Variants in DENND1A observed in about 807,000 individuals in gnomAD.
The protein encoded by DENND1A is DENN domain-containing protein 1A.
A neutral mutation model predicts 113.7 loss-of-function variants in DENND1A; 51 were observed. The observed-to-expected ratio is 0.45, with a 90% CI of 0.36 to 0.57. The LOEUF (loss-of-function observed/expected upper bound fraction) is 0.57, where lower values mean the gene tolerates loss of function less well. Ranked by LOEUF, DENND1A falls within the 20% of genes least tolerant of loss-of-function variation. The pLI, the probability that DENND1A is intolerant of heterozygous loss-of-function variation, is 0.00. For missense variants in DENND1A, 1,258 were observed against 1,395.9 expected (o/e 0.90, Z 1.57); for synonymous variants, 565 against 570.8 (o/e 0.99, Z 0.14).
At position 123,760,291 on chromosome 9, in the gene DENND1A, C is replaced by T. The variant is rs577993806; in HGVS notation, c.183-2469G>A. On this transcript the variant is annotated intron_variant, in intron 4 of 23. Coordinates refer to ENST00000394215, the MANE Select transcript of DENND1A (RefSeq NM_001352964.2). ...ATAAAGTTTTCAAAGATAGGGTAGA[C>T]TTTCTAAAACTCCCTTATACAGCCA... Among the ~76,000 whole-genome samples, 19 of 152,290 alleles carry T rather than the reference C, an allele frequency of 1.2e-4. 1 individual carries two copies. The East Asian group carries it at 1.7e-3, about 14-fold the overall frequency.
intron 11 of DENND1A, among the ~76,000 whole-genome samples, chr9:123,605,617 G>C (rs1481379288): frequency 6.6e-6 from 1 of 152,212 alleles, no homozygotes; most frequent in Non-Finnish European, 1.5e-5. Flanking sequence ...GGAGAGAGAA[G>C]AATGGCGATC....
At chr9:123,618,123 G>A (rs573023519) in intron 10 of DENND1A, among the ~76,000 whole-genome samples, 1 of 152,134 alleles carries the variant, frequency 6.6e-6, no homozygotes, top group Non-Finnish European at 1.5e-5. Flanking sequence ...CACTATGCTG[G>A]TGCTGCACAT....
At chr9:123,433,662 C>A (rs1307452933) in intron 19 of DENND1A, among the ~76,000 whole-genome samples, 1 of 151,560 alleles carries the variant, frequency 6.6e-6, no homozygotes, top group African/African-American at 2.4e-5. Flanking sequence ...TTTCTTTTTT[C>A]TTTTTTTTAA....
intron 4 of DENND1A, among the ~76,000 whole-genome samples, chr9:123,763,416 A>C (rs2071210346): frequency 6.6e-6 from 1 of 152,210 alleles, no homozygotes; most frequent in South Asian, 2.1e-4. Context: ...AAGATAGGAA[A>C]GACTAACAAG....
At chr9:123,421,894 A>G (rs1311430473) in intron 19 of DENND1A, among the ~76,000 whole-genome samples, 1 of 151,344 alleles carries the variant, frequency 6.6e-6, no homozygotes, top group African/African-American at 2.4e-5. Flanking sequence ...CCCCCGATAA[A>G]CCCCACCACA....
chr9:123,763,107 G>A (rs2071181835), intron 4 of DENND1A, among the ~76,000 whole-genome samples: 1 of 151,588 alleles, frequency 6.6e-6, no homozygotes, highest in Non-Finnish European at 1.5e-5. Context: ...GGTGGGGGGA[G>A]GCAATAGAAT....
rs1326875582 is a variant in DENND1A, at chr9:123,569,851, A to T, written c.868-12156T>A. Among the ~76,000 whole-genome samples, 5 of 152,150 alleles carry T rather than the reference A, an allele frequency of 3.3e-5. No homozygotes were observed. In the East Asian group the frequency reaches 9.7e-4, roughly 29 times the overall value. Reference sequence around the variant, plus strand: ...AGCAAGAGGTGGGATCCAACACTCGACCCTTAGTCTGGGACTCCTGGTAGC... The same window carrying T: ...AGCAAGAGGTGGGATCCAACACTCGTCCCTTAGTCTGGGACTCCTGGTAGC... On this transcript the variant is annotated intron_variant, in intron 12 of 23. Coordinates refer to ENST00000394215, the MANE Select transcript of DENND1A (RefSeq NM_001352964.2).
intron 18 of DENND1A, among the ~76,000 whole-genome samples, chr9:123,444,331 T>C (rs2047144819): frequency 6.6e-6 from 1 of 152,178 alleles, no homozygotes; most frequent in Non-Finnish European, 1.5e-5. Flanking sequence ...TTAAATAATG[T>C]ATATATGTCC....
intron 5 of DENND1A, among the ~76,000 whole-genome samples, chr9:123,725,026 CTT>C (rs2067601316): frequency 6.6e-6 from 1 of 152,206 alleles, no homozygotes; most frequent in African/African-American, 2.4e-5. Context: ...AAAAGCAACT[CTT>C]ACTCATTTTT....
chr9:123,529,681 T>C (rs956195213), intron 13 of DENND1A, among the ~76,000 whole-genome samples: 1 of 152,226 alleles, frequency 6.6e-6, no homozygotes, highest in African/African-American at 2.4e-5. Flanking sequence ...ATATAACTCT[T>C]GACACTTCTC....
At chr9:123,910,715 A>G (rs1267753816) in intron 1 of DENND1A, among the ~76,000 whole-genome samples, 1 of 152,160 alleles carries the variant, frequency 6.6e-6, no homozygotes, top group African/African-American at 2.4e-5. Context: ...TGAGGCAGGC[A>G]GATCATTTGA....
chr9:123,432,332 G>A (rs1036557318), intron 19 of DENND1A, among the ~76,000 whole-genome samples: 2 of 152,350 alleles, frequency 1.3e-5, no homozygotes, highest in African/African-American at 4.8e-5. Flanking sequence ...GTGAGTGCAC[G>A]TGGAAAGACA....
intron 10 of DENND1A, among the ~76,000 whole-genome samples, chr9:123,611,053 T>G (rs932294045): frequency 6.6e-6 from 1 of 152,218 alleles, no homozygotes; most frequent in Non-Finnish European, 1.5e-5. Context: ...CTTGGGAACA[T>G]GTAAAACAGA....
At chr9:123,894,562 T>TGG (rs1403657255) in intron 1 of DENND1A, among the ~76,000 whole-genome samples, 2 of 152,238 alleles carry the variant, frequency 1.3e-5, no homozygotes, top group Admixed American at 6.5e-5. Context: ...GCTAAGGTTG[T>TGG]GGTCCTGATT....
At chr9:123,692,235 A>T (rs1179136412) in intron 5 of DENND1A, among the ~76,000 whole-genome samples, 6 of 152,248 alleles carry the variant, frequency 3.9e-5, no homozygotes, top group African/African-American at 1.4e-4. Flanking sequence ...AAAAATAGGT[A>T]GCTTCTGTTA....
chr9:123,611,255 G>A lies in DENND1A; in HGVS notation c.720-1774C>T, dbSNP rs1200431221. On this transcript the variant is annotated intron_variant, in intron 10 of 23. Coordinates refer to ENST00000394215, the MANE Select transcript of DENND1A (RefSeq NM_001352964.2). The stretch of plus-strand genomic sequence containing the variant: ...GCTTCTAGGGGCAAGGAAATGCCCT[G>A]TGATATTTTTTTTCCCCTTAAACTG... Among the ~76,000 whole-genome samples, 5 of 152,098 alleles carry A rather than the reference G, an allele frequency of 3.3e-5. No individual in the cohort carries two copies. The East Asian group carries it at 9.6e-4, about 29-fold the overall frequency.
chr9:123,715,979 C>T (rs2066952108), intron 5 of DENND1A, among the ~76,000 whole-genome samples: 1 of 152,110 alleles, frequency 6.6e-6, no homozygotes, highest in Admixed American at 6.5e-5. Flanking sequence ...CCCGGGTAGG[C>T]ACTGGATCTT....
chr9:123,717,158 GGTCA>G (rs1033605789), intron 5 of DENND1A, among the ~76,000 whole-genome samples: 11 of 152,122 alleles, frequency 7.2e-5, no homozygotes, highest in Admixed American at 7.2e-4. Context: ...TATCAGATCT[GGTCA>G]GATAGTTGGC....
intron 9 of DENND1A, among the ~76,000 whole-genome samples, chr9:123,646,798 C>T (rs1023666008): frequency 2.6e-5 from 4 of 152,032 alleles, no homozygotes; most frequent in Non-Finnish European, 5.9e-5. Flanking sequence ...GGCAATGTCA[C>T]GATAAATATT....
Sources: allele counts gnomAD v4.1 joint callset (sites outside exome capture counted in the v4.1 genomes callset), GRCh38; gene constraint gnomAD v4.1.1; transcripts MANE v1.5; gene names NCBI Gene and HGNC (gene_info 2026-07-23, HGNC 2026-07-21).